The following CACNB4 variants were observed in gnomAD, a reference collection of about 807,000 sequenced individuals.
CACNB4 encodes voltage-dependent L-type calcium channel subunit beta-4.
Under a neutral mutation model 71.2 loss-of-function variants are expected in CACNB4, and 32 were observed. That is an observed-to-expected ratio of 0.45 (90% CI 0.34 to 0.60). CACNB4 has a LOEUF of 0.60. Ranked by LOEUF, CACNB4 falls within the 20% of genes least tolerant of loss-of-function variation. CACNB4 has a pLI of 0.01. For missense variants in CACNB4, 464 were observed against 647.9 expected (o/e 0.72, Z 3.08); for synonymous variants, 231 against 236.9 (o/e 0.97, Z 0.23).
At chr2:152,099,113 C>T (rs1181420508), upstream of CACNB4, 2 of 697,202 alleles carry the variant, frequency 2.9e-6, no homozygotes, top group African/African-American at 1.9e-5. Context: ...GACTTCCCCA[C>T]CCGGCTCCAG....
chr2:151,852,245 G>A (rs1047499551), intron 12 of CACNB4: 1 of 151,742 alleles, frequency 6.6e-6, no homozygotes, highest in Non-Finnish European at 1.5e-5. Context: ...GAAGATTAGA[G>A]ATAATCTATG....
At chr2:151,861,007 G>A (rs2151377036) in intron 9 of CACNB4, 187 bp from the exon 10 acceptor site, 1 of 568,940 alleles carries the variant, frequency 1.8e-6, no homozygotes, top group East Asian at 2.9e-5. Flanking sequence ...GCAGAATGGA[G>A]GAAGGTTTAA....
At chr2:152,096,265 C>T (rs1341354650) in intron 2 of CACNB4, among the ~76,000 whole-genome samples, 3 of 151,994 alleles carry the variant, frequency 2.0e-5, no homozygotes, top group Non-Finnish European at 2.9e-5. Flanking sequence ...GGGCAGATCA[C>T]GAGGTCAGGA....
chr2:152,074,974 A>G (rs1686928317), intron 2 of CACNB4, among the ~76,000 whole-genome samples: 1 of 152,178 alleles, frequency 6.6e-6, no homozygotes, highest in Non-Finnish European at 1.5e-5. Context: ...CAAACAGAGA[A>G]ACAGGCAGAG....
chr2:151,986,784 G>T (rs1024475878), intron 2 of CACNB4, among the ~76,000 whole-genome samples: 4 of 152,200 alleles, frequency 2.6e-5, no homozygotes, highest in African/African-American at 9.7e-5. Context: ...GCCTGGCCCA[G>T]TCTGATTCTC....
intron 9 of CACNB4, 61 bp from the exon 10 acceptor site, chr2:151,860,881 A>G (rs567183492): frequency 9.4e-7 from 1 of 1,058,212 alleles, no homozygotes; most frequent in Admixed American, 1.7e-5. Context: ...TCTCCAAGTG[A>G]TTTATAACCA....
intron 2 of CACNB4, among the ~76,000 whole-genome samples, chr2:151,926,321 A>T (rs2099860248): frequency 6.6e-6 from 1 of 152,344 alleles, no homozygotes; most frequent in East Asian, 1.9e-4. Flanking sequence ...TTTCTCAAAT[A>T]CTGCTCATAA....
chr2:151,907,162 C>T (rs1169069656), intron 2 of CACNB4, among the ~76,000 whole-genome samples: 1 of 151,566 alleles, frequency 6.6e-6, no homozygotes, highest in Non-Finnish European at 1.5e-5. Context: ...AATCAGAGAA[C>T]AGAGGTAGGG....
rs13408408 is a variant in CACNB4 at position 151,984,703 on chromosome 2, T to C, written c.148-101333A>G. 3.2e-3 allele frequency among the ~76,000 whole-genome samples: 492 copies of C among 152,248 alleles called. 3 individuals are homozygous for C. The highest frequency in any genetic ancestry group is 0.01 in the South Asian group (49 of 4,822). ...ATACTTGATGAATATAAACAAATCA[T>C]GAAGATCCAAAGGGTTAGGAAAGTT... On this transcript the variant is annotated intron_variant, in intron 2 of 13. Transcript: ENST00000539935.
chr2:151,869,876 T>C (rs889158622), intron 8 of CACNB4: 1 of 306,854 alleles, frequency 3.3e-6, no homozygotes, highest in African/African-American at 2.2e-5. Flanking sequence ...ATGGGAATGG[T>C]GCCCTGGAGG....
intron 4 of CACNB4, among the ~76,000 whole-genome samples, chr2:151,877,285 A>T (rs2099846680): frequency 6.6e-6 from 1 of 152,150 alleles, no homozygotes; most frequent in South Asian, 2.1e-4. Context: ...GAAAGCAGCC[A>T]CAGACAAACA....
In CACNB4 at chr2:151,954,850, C is replaced by CTTTTTTTTT. The variant is rs34054917; in HGVS notation, c.148-71489_148-71481dup. On this transcript the variant is annotated intron_variant, in intron 2 of 13. Transcript: ENST00000539935. ...CAGCATTTACTGTGACAAGTCAGCA[C>CTTTTTTTTT]TTTTTTTTTTTTTTTTTTTTTGAGA... Among the ~76,000 whole-genome samples the CTTTTTTTTT allele has an allele frequency of 4.7e-4, 45 of 94,908 alleles. 1 individual carries two copies. Among genetic ancestry groups the CTTTTTTTTT allele is most frequent in the Non-Finnish European group, 7.1e-4 (37 of 51,958 alleles). The allele number at this position is 94,908 out of a possible 152,430, so 62.3% of individuals were successfully genotyped here.
Position 151,876,473 on chromosome 2 carries a change from C to G in CACNB4, c.474G>C (p.Glu158Asp), listed in dbSNP as rs1397561493. ...TTTGTTCTTGCTGGATCCGTATGTT[C>G]TCCAATCTGAGTGGACTTGGAATGA... The part of the protein sequence containing the change: ...IGFIPSPLRL[E>D]NIRIQQEQKR... Residue 158 changes from glutamate (E) to aspartate (D), a missense_variant, in exon 5 of 14, where the codon GAG becomes GAC. Around this residue, in one of 3 missense-constraint regions of CACNB4, gnomAD observed 299 missense variants for 471.7 expected, o/e 0.63. Coordinates refer to ENST00000539935, the MANE Select transcript of CACNB4 (RefSeq NM_000726.5). 1 of 1,605,476 alleles carries G rather than the reference C, an allele frequency of 6.2e-7. No individual in the cohort carries two copies. The highest frequency in any genetic ancestry group is 8.5e-7 in the Non-Finnish European group (1 of 1,174,312).
intron 2 of CACNB4, among the ~76,000 whole-genome samples, chr2:152,025,972 TAA>T (rs1001007396): frequency 2.0e-5 from 3 of 152,198 alleles, no homozygotes; most frequent in African/African-American, 7.2e-5. Flanking sequence ...CCGTGTTTAG[TAA>T]AGAGGATGTG....
intron 2 of CACNB4, among the ~76,000 whole-genome samples, chr2:152,035,630 C>CTCTCTCTCTCTCT (rs1553818021): frequency 5.4e-5 from 5 of 93,288 alleles, no homozygotes; most frequent in African/African-American, 8.7e-5. Flanking sequence ...CCTCCCTCTC[C>CTCTCTCTCTCTCT]CTCTCTCTCT....
Position 151,902,032 on chromosome 2 carries a change from C to CTT in CACNB4, c.148-18664_148-18663dup, listed in dbSNP as rs70974804. 6.2e-3 allele frequency among the ~76,000 whole-genome samples: 801 copies of CTT among 130,078 alleles called. 7 individuals are homozygous for CTT. Among genetic ancestry groups the CTT allele is most frequent in the African/African-American group, 7.7e-3 (236 of 30,562 alleles). The allele number at this position is 130,078 out of a possible 152,430, so 85.3% of individuals were successfully genotyped here. ...TCCCTAGTGGGTAACACAACATCAC[C>CTT]TTTTTTTTTTTTTTTTTTTTTTGAC... On this transcript the variant is annotated intron_variant, in intron 2 of 13. Transcript: ENST00000539935.
chr2:151,952,873 T>C (rs896757424), intron 2 of CACNB4, among the ~76,000 whole-genome samples: 1 of 152,208 alleles, frequency 6.6e-6, no homozygotes, highest in East Asian at 1.9e-4. Context: ...CAGGGAATCA[T>C]GTGAGAAGGA....
At chr2:151,984,160 G>A (rs1187576363) in intron 2 of CACNB4, among the ~76,000 whole-genome samples, 3 of 152,060 alleles carry the variant, frequency 2.0e-5, no homozygotes, top group South Asian at 2.1e-4. Context: ...TTAAACCTAC[G>A]AATTGCTTGA....
chr2:152,054,208 A>C (rs891306789), intron 2 of CACNB4, among the ~76,000 whole-genome samples: 18 of 151,690 alleles, frequency 1.2e-4, no homozygotes, highest in Admixed American at 1.1e-3. Context: ...TCTACTAAAA[A>C]TACAAAAATT....
Sources: allele counts gnomAD v4.1 joint callset (sites outside exome capture counted in the v4.1 genomes callset), GRCh38; gene constraint gnomAD v4.1.1; regional missense constraint gnomAD v4.1.1; transcripts MANE v1.5; gene names NCBI Gene and HGNC (gene_info 2026-07-23, HGNC 2026-07-21).